KCNQ1: variants seen among roughly 807,000 people sequenced by gnomAD.
The protein encoded by KCNQ1 is potassium voltage-gated channel subfamily Q member 1.
KCNQ1 carries 49 observed loss-of-function variants against 72.4 expected under a neutral mutation model. The observed-to-expected ratio is 0.68, with a 90% CI of 0.54 to 0.86. KCNQ1 has a LOEUF of 0.86. KCNQ1 is among the 40% of genes least tolerant of loss of function. The pLI, the probability that KCNQ1 is intolerant of heterozygous loss-of-function variation, is 0.00. For missense variants in KCNQ1, 790 were observed against 945.1 expected, an observed-to-expected ratio of 0.84 and a Z score of 2.15; for synonymous variants, 450 against 412.6, an observed-to-expected ratio of 1.09 and a Z score of -1.10.
At chr11:2,656,836 AG>A in intron 10 of KCNQ1, 1 of 398,628 alleles carries the variant, frequency 2.5e-6, no homozygotes, top group Admixed American at 4.4e-5. Flanking sequence ...TGACCTTTAT[AG>A]TTATGCTTTT....
Position 2,450,015 on chromosome 11 carries a change from C to T in KCNQ1, c.386+4531C>T, listed in dbSNP as rs779179348. The stretch of plus-strand genomic sequence containing the variant: ...GCCACCGGTCCCTGTAGCCAAGGTG[C>T]AGATGCACACGTCCTGGTCCTGAGC... On this transcript the variant is annotated intron_variant, in intron 1 of 15. Transcript: ENST00000155840. The surrounding 1 kb of genome is among the most constrained non-coding windows in gnomAD (Gnocchi z 7.9). 2.0e-5 allele frequency among the ~76,000 whole-genome samples: 3 copies of T among 152,212 alleles called. No homozygotes were observed. Among genetic ancestry groups the T allele is most frequent in the African/African-American group, 4.8e-5 (2 of 41,448 alleles).
rs905011885 is a variant in KCNQ1, at chr11:2,559,537, G to A, written c.478-11091G>A. On this transcript the variant is annotated intron_variant, in intron 2 of 15. Coordinates refer to ENST00000155840, the MANE Select transcript of KCNQ1 (RefSeq NM_000218.3). This position sits in a 1 kb window ranked among gnomAD's most constrained non-coding sequence, Gnocchi z 4.9. ...GGTGTCCGGGATGTGGGGACCAGAC[G>A]ACAGCTGTCACCCACTTGCAGGGCC... Among the ~76,000 whole-genome samples, 15 of 152,202 alleles carry A rather than the reference G, an allele frequency of 9.9e-5. No homozygotes were observed. The highest frequency in any genetic ancestry group is 2.9e-4 in the African/African-American group (12 of 41,454).
Position 2,588,696 on chromosome 11 carries a change from T to C in KCNQ1, c.1252-17T>C. 6.2e-7 allele frequency: 1 copy of C among 1,613,096 alleles called. No individual in the cohort carries two copies. Among genetic ancestry groups the C allele is most frequent in the Non-Finnish European group, 8.5e-7 (1 of 1,179,976 alleles). On this transcript the variant is annotated splice_polypyrimidine_tract_variant and intron_variant, in intron 9 of 15. Transcript: ENST00000155840. This position sits in a 1 kb window ranked among gnomAD's most constrained non-coding sequence, Gnocchi z 5.6. ...CGATGTCCAGGAACCGCTAATCTGTTGTCTTGTTTTTTTTAGGTAAAGAAA... is the reference window on the plus strand; with the variant it reads ...CGATGTCCAGGAACCGCTAATCTGTCGTCTTGTTTTTTTTAGGTAAAGAAA...
chr11:2,790,951 C>G (rs1590089749), intron 15 of KCNQ1, among the ~76,000 whole-genome samples: 1 of 149,170 alleles, frequency 6.7e-6, no homozygotes, highest in Admixed American at 6.7e-5. Flanking sequence ...CCTCAGCAAT[C>G]CCCCAAGAAC....
In KCNQ1 at chr11:2,463,763, C is replaced by T. The variant is rs1846312082; in HGVS notation, c.386+18279C>T. ...GAGTTTCAGAGTGGCGGCCTCTGCTCCTCACAAGACATTGCCCTGCGAGGG... is the reference window on the plus strand; with the variant it reads ...GAGTTTCAGAGTGGCGGCCTCTGCTTCTCACAAGACATTGCCCTGCGAGGG... On this transcript the variant is annotated intron_variant, in intron 1 of 15. Coordinates refer to ENST00000155840, the MANE Select transcript of KCNQ1 (RefSeq NM_000218.3). The surrounding 1 kb of genome is among the most constrained non-coding windows in gnomAD (Gnocchi z 7.0). 6.6e-6 allele frequency among the ~76,000 whole-genome samples: 1 copy of T among 152,236 alleles called. No homozygotes were observed. Among genetic ancestry groups the T allele is most frequent in the Non-Finnish European group, 1.5e-5 (1 of 68,040 alleles).
intron 15 of KCNQ1, among the ~76,000 whole-genome samples, chr11:2,843,874 C>G (rs1030733548): frequency 2.0e-5 from 3 of 152,218 alleles, no homozygotes; most frequent in African/African-American, 7.2e-5. Context: ...GGGCACAAAG[C>G]AGCTTTTGTC....
chr11:2,535,696 C>A (rs1052683245), intron 2 of KCNQ1, among the ~76,000 whole-genome samples: 1 of 152,222 alleles, frequency 6.6e-6, no homozygotes. Flanking sequence ...ACCCACTCTG[C>A]ACCTGAGAGA....
intron 10 of KCNQ1, among the ~76,000 whole-genome samples, chr11:2,606,348 C>T (rs1474133507): frequency 1.3e-5 from 2 of 152,068 alleles, no homozygotes; most frequent in African/African-American, 2.4e-5. Flanking sequence ...AAATGATTCC[C>T]AATGTTGGAG....
rs1209406599 is a variant in KCNQ1, at chr11:2,603,241, C to T, written c.1393+14387C>T. Among the ~76,000 whole-genome samples the T allele has an allele frequency of 1.3e-5, 2 of 152,088 alleles. No homozygotes were observed. The highest frequency in any genetic ancestry group is 4.8e-5 in the African/African-American group (2 of 41,386). ...TTGTAGTCTATTAAGTGTGCAATAG[C>T]CCCATGTCTAAGAAAACAATGTGCC... is the stretch of plus-strand genomic sequence containing the variant. On this transcript the variant is annotated intron_variant, in intron 10 of 15. Coordinates refer to ENST00000155840, the MANE Select transcript of KCNQ1 (RefSeq NM_000218.3). The surrounding 1 kb of genome is among the most constrained non-coding windows in gnomAD (Gnocchi z 4.1).
rs1004582064 is a variant in KCNQ1 at position 2,724,250 on chromosome 11, T to C, written c.1515-44594T>C. Among the ~76,000 whole-genome samples, 6 of 152,176 alleles carry C rather than the reference T, an allele frequency of 3.9e-5. No homozygotes were observed. Among genetic ancestry groups the C allele is most frequent in the African/African-American group, 1.4e-4 (6 of 41,434 alleles). ...CTCCCGGCTCAGGACCCCTTTGCGG[T>C]GTCACCTTTCGGCATGTAACCACTT... is the stretch of plus-strand genomic sequence containing the variant. On this transcript the variant is annotated intron_variant, in intron 11 of 15. Transcript: ENST00000155840. This position sits in a 1 kb window ranked among gnomAD's most constrained non-coding sequence, Gnocchi z 6.8.
At chr11:2,519,783 A>T (rs72637000) in intron 1 of KCNQ1, among the ~76,000 whole-genome samples, 18 of 80,632 alleles carry the variant, frequency 2.2e-4, no homozygotes, top group Admixed American at 1.1e-3. Flanking sequence ...GCCCCCCCCC[A>T]CAACATTGGT....
Position 2,669,460 on chromosome 11 carries a change from C to T in KCNQ1, c.1514+7379C>T. The stretch of plus-strand genomic sequence containing the variant: ...ATCTTTTACCTTGCCCTGTAGTTTT[C>T]AGTGTGGTGGTCATGAACAGCTTGT... On this transcript the variant is annotated intron_variant, in intron 11 of 15. Coordinates refer to ENST00000155840, the MANE Select transcript of KCNQ1 (RefSeq NM_000218.3). This position sits in a 1 kb window ranked among gnomAD's most constrained non-coding sequence, Gnocchi z 5.6. 1 of 398,594 alleles carries T rather than the reference C, an allele frequency of 2.5e-6. No individual in the cohort carries two copies. Among genetic ancestry groups the T allele is most frequent in the Non-Finnish European group, 4.4e-6 (1 of 226,078 alleles). 24.7% of individuals were successfully genotyped at this position (398,594 alleles called of 1,614,324 possible). A position where few individuals can be genotyped will look rare whatever the true frequency, so the allele number is the denominator to read the frequency against.
intron 2 of KCNQ1, among the ~76,000 whole-genome samples, chr11:2,552,406 T>C (rs1028680435): frequency 3.3e-5 from 5 of 152,232 alleles, no homozygotes; most frequent in Admixed American, 6.5e-5. Context: ...GTGGGTTCGA[T>C]TTCTGGACTT....
rs894337847 is a variant in KCNQ1 at position 2,651,722 on chromosome 11, C to G, written c.1394-10239C>G. 2.5e-6 allele frequency: 1 copy of G among 398,496 alleles called. No homozygotes were observed. Among genetic ancestry groups the G allele is most frequent in the African/African-American group, 2.1e-5 (1 of 48,614 alleles). The allele number at this position is 398,496 out of a possible 1,614,324, so 24.7% of individuals were successfully genotyped here. ...GGCCATTTCCTAAGTAAGCATCATC[C>G]TCATTTCTATACGTTTTCTCTGATT... On this transcript the variant is annotated intron_variant, in intron 10 of 15. Transcript: ENST00000155840. This position sits in a 1 kb window ranked among gnomAD's most constrained non-coding sequence, Gnocchi z 6.1.
chr11:2,541,008 C>T lies in KCNQ1; in HGVS notation c.477+12990C>T, dbSNP rs576097002. Among the ~76,000 whole-genome samples, 14 of 152,180 alleles carry T rather than the reference C, an allele frequency of 9.2e-5. No individual in the cohort carries two copies. Among genetic ancestry groups the T allele is most frequent in the Non-Finnish European group, 1.3e-4 (9 of 68,030 alleles). On this transcript the variant is annotated intron_variant, in intron 2 of 15. Transcript: ENST00000155840. The surrounding 1 kb of genome is among the most constrained non-coding windows in gnomAD (Gnocchi z 4.8). ...GCACAGACATATGTGCACGGATGGG[C>T]GTGTGGACGTATGCACACATAGGTA...
chr11:2,630,748 A>G (rs1849339468), intron 10 of KCNQ1: 2 of 398,338 alleles, frequency 5.0e-6, no homozygotes, highest in Non-Finnish European at 8.8e-6. Context: ...TCCCTCTGGC[A>G]TATCTTGTAA....
At chr11:2,616,042 T>C (rs1849058380) in intron 10 of KCNQ1, 4 of 398,070 alleles carry the variant, frequency 1.0e-5, no homozygotes, top group African/African-American at 2.1e-5. Context: ...CTACTTGTTA[T>C]GGGTCTGCTC....
At chr11:2,529,144 G>A (rs1365518562) in intron 2 of KCNQ1, among the ~76,000 whole-genome samples, 2 of 152,176 alleles carry the variant, frequency 1.3e-5, no homozygotes, top group Admixed American at 6.5e-5. Context: ...TGACTGGAGG[G>A]GCCGTCTTCT....
Position 2,603,469 on chromosome 11 carries a change from G to A in KCNQ1, c.1393+14615G>A, listed in dbSNP as rs1043376735. Among the ~76,000 whole-genome samples, 1 of 152,088 alleles carries A rather than the reference G, an allele frequency of 6.6e-6. No individual in the cohort carries two copies. The highest frequency in any genetic ancestry group is 1.5e-5 in the Non-Finnish European group (1 of 68,024). On this transcript the variant is annotated intron_variant, in intron 10 of 15. Transcript: ENST00000155840. This position sits in a 1 kb window ranked among gnomAD's most constrained non-coding sequence, Gnocchi z 4.1. ...CCAGAGCTGTGCAACTGCCACTCCA[G>A]TTTGAGAACATTTTTATCATTCCAA...
Sources: allele counts gnomAD v4.1 joint callset (sites outside exome capture counted in the v4.1 genomes callset), GRCh38; gene constraint gnomAD v4.1.1; non-coding constraint Gnocchi (gnomAD v3.1); transcripts MANE v1.5; gene names NCBI Gene and HGNC (gene_info 2026-07-23, HGNC 2026-07-21).